Variants in PDE6C observed in about 807,000 individuals in gnomAD.
PDE6C encodes cone cGMP-specific 3',5'-cyclic phosphodiesterase subunit alpha'.
PDE6C carries 75 observed loss-of-function variants against 113.1 expected under a neutral mutation model. The ratio of observed to expected loss-of-function variants is 0.66; its 90% CI spans 0.55 to 0.80. The LOEUF (loss-of-function observed/expected upper bound fraction) is 0.80, where lower values mean the gene tolerates loss of function less well. Ranked by LOEUF, PDE6C falls within the 30% of genes least tolerant of loss-of-function variation. The pLI is 0.00. For synonymous variants in PDE6C, 375 were observed against 363.7 expected, an observed-to-expected ratio of 1.03 and a Z score of -0.35; for missense variants, 912 against 1,038.6, an observed-to-expected ratio of 0.88 and a Z score of 1.67.
chr10:93,640,884 A>G lies in PDE6C; in HGVS notation c.1738-36A>G, dbSNP rs546136086. 737 of 1,315,082 alleles carry G rather than the reference A, an allele frequency of 5.6e-4. 6 individuals carry two copies. In the South Asian group the frequency reaches 8.4e-3, roughly 15 times the overall value. The allele number at this position is 1,315,082 out of a possible 1,614,324, so 81.5% of individuals were successfully genotyped here. A position where few individuals can be genotyped will look rare whatever the true frequency, so the allele number is the denominator to read the frequency against. ...GGTATAGAGGTATATTAATTCAAAT[A>G]AATTATAGATATGCATATATATGTT... On this transcript the variant is annotated intron_variant, in intron 13 of 21. Transcript: ENST00000371447.
At chr10:93,633,477 A>AAT (rs2058512640) in intron 8 of PDE6C, among the ~76,000 whole-genome samples, 1 of 146,088 alleles carries the variant, frequency 6.8e-6, no homozygotes, top group African/African-American at 2.5e-5. Context: ...AAAAAAAAAA[A>AAT]AAATAAAAAA....
At chr10:93,657,784 A>G (rs1356840562) in intron 16 of PDE6C, among the ~76,000 whole-genome samples, 1 of 152,168 alleles carries the variant, frequency 6.6e-6, no homozygotes, top group Non-Finnish European at 1.5e-5. Flanking sequence ...TAAAAGTGAC[A>G]ATGCTGTAGG....
chr10:93,631,851 G>T (rs1427114163), intron 8 of PDE6C, among the ~76,000 whole-genome samples: 6 of 152,186 alleles, frequency 3.9e-5, no homozygotes, highest in African/African-American at 1.4e-4. Flanking sequence ...GTTTCTTGGG[G>T]GCATAATGGA....
intron 15 of PDE6C, among the ~76,000 whole-genome samples, chr10:93,649,693 C>G (rs2058600921): frequency 6.6e-6 from 1 of 152,192 alleles, no homozygotes; most frequent in South Asian, 2.1e-4. Flanking sequence ...CAACCTCCGC[C>G]TCCTGGGTTC....
intron 21 of PDE6C, 102 bp from the exon 22 acceptor site, chr10:93,665,258 T>C: frequency 1.1e-6 from 1 of 893,666 alleles, no homozygotes; most frequent in Non-Finnish European, 1.9e-6. Flanking sequence ...TTAAAATGAC[T>C]AATTAGTCTA....
intron 7 of PDE6C, among the ~76,000 whole-genome samples, chr10:93,628,765 TAAGTA>T (rs2058486348): frequency 1.3e-5 from 2 of 152,212 alleles, no homozygotes; most frequent in Admixed American, 6.5e-5. Context: ...TGAATTCCAC[TAAGTA>T]AAGTGATATC....
chr10:93,621,732 C>T (rs539357476), intron 3 of PDE6C, among the ~76,000 whole-genome samples, 200 bp from the exon 4 acceptor site: 1 of 152,168 alleles, frequency 6.6e-6, no homozygotes, highest in Non-Finnish European at 1.5e-5. Flanking sequence ...AGACCCGCAG[C>T]CTTGCAAAAG....
At chr10:93,644,108 T>A (rs1030197819) in intron 14 of PDE6C, among the ~76,000 whole-genome samples, 2 of 152,228 alleles carry the variant, frequency 1.3e-5, no homozygotes, top group African/African-American at 4.8e-5. Context: ...GTTTCCTGAT[T>A]AATAAATTCA....
intron 20 of PDE6C, 89 bp downstream of exon 20, chr10:93,662,732 A>G (rs1011554764): frequency 9.3e-6 from 7 of 751,968 alleles, no homozygotes; most frequent in Non-Finnish European, 1.7e-5. Context: ...GAAGTCACCC[A>G]TACGGAAAGC....
Position 93,626,879 on chromosome 10 carries a change from A to G in PDE6C, c.1071+8A>G. 2 of 1,605,604 alleles carry G rather than the reference A, an allele frequency of 1.2e-6. No individual in the cohort carries two copies. The highest frequency in any genetic ancestry group is 1.7e-6 in the Non-Finnish European group (2 of 1,173,162). On this transcript the variant is annotated splice_region_variant and intron_variant, in intron 7 of 21. Coordinates refer to ENST00000371447, the MANE Select transcript of PDE6C (RefSeq NM_006204.4). ...GTTGCTGAAAATGGATTTGTAAGTT[A>G]TTGAACAAATTCAAATTTTAAATAA...
chr10:93,649,283 C>A (rs1185259573), intron 15 of PDE6C, among the ~76,000 whole-genome samples: 1 of 152,016 alleles, frequency 6.6e-6, no homozygotes, highest in Non-Finnish European at 1.5e-5. Context: ...ACACAATGCT[C>A]GAAAACAAAT....
At chr10:93,663,523 G>T (rs963827197) in intron 21 of PDE6C, among the ~76,000 whole-genome samples, 3 of 152,118 alleles carry the variant, frequency 2.0e-5, no homozygotes, top group Admixed American at 6.5e-5. Flanking sequence ...TGAGAAAAAA[G>T]TTTTTGTCCC....
chr10:93,626,920 T>G (rs777552912), intron 7 of PDE6C, 49 bp downstream of exon 7: 7 of 1,464,736 alleles, frequency 4.8e-6, no homozygotes, highest in Non-Finnish European at 6.6e-6. Flanking sequence ...CAAGAAACTC[T>G]TATTAGCTAA....
chr10:93,630,975 G>A (rs1033301360), intron 8 of PDE6C, among the ~76,000 whole-genome samples: 13 of 152,216 alleles, frequency 8.5e-5, no homozygotes, highest in African/African-American at 2.7e-4. Context: ...GCAAAAGGGC[G>A]ACAATGATTT....
intron 15 of PDE6C, among the ~76,000 whole-genome samples, chr10:93,655,173 G>C (rs1455349421): frequency 6.6e-6 from 1 of 152,146 alleles, no homozygotes; most frequent in East Asian, 1.9e-4. Context: ...GATGTAGTGA[G>C]AAACTCTTTG....
chr10:93,637,832 T>C (rs2058541268), intron 11 of PDE6C, among the ~76,000 whole-genome samples: 1 of 152,218 alleles, frequency 6.6e-6, no homozygotes, highest in South Asian at 2.1e-4. Flanking sequence ...AGTCATTTGA[T>C]CCTGTTTTAA....
At chr10:93,624,396 G>A (rs1049343420) in intron 4 of PDE6C, among the ~76,000 whole-genome samples, 13 of 151,952 alleles carry the variant, frequency 8.6e-5, no homozygotes, top group Non-Finnish European at 1.2e-4. Context: ...GTACCACCAC[G>A]TCCACTGATT....
intron 21 of PDE6C, among the ~76,000 whole-genome samples, chr10:93,664,099 T>TATC (rs2058679088): frequency 6.6e-6 from 1 of 152,254 alleles, no homozygotes; most frequent in African/African-American, 2.4e-5. Flanking sequence ...CTTATGTATT[T>TATC]ATCAGATGTC....
chr10:93,627,447 A>T (rs139664240), intron 7 of PDE6C, among the ~76,000 whole-genome samples: 110 of 152,206 alleles, frequency 7.2e-4, no homozygotes, highest in Admixed American at 2.2e-3. Flanking sequence ...CACATTTCAG[A>T]TATCCTTTGG....
Sources: allele counts gnomAD v4.1 joint callset (sites outside exome capture counted in the v4.1 genomes callset), GRCh38; gene constraint gnomAD v4.1.1; transcripts MANE v1.5; gene names NCBI Gene and HGNC (gene_info 2026-07-23, HGNC 2026-07-21).